Variants in PTPN3 observed in about 807,000 individuals in gnomAD.
PTPN3 encodes the protein tyrosine-protein phosphatase non-receptor type 3.
PTPN3 carries 96 observed loss-of-function variants against 132.7 expected under a neutral mutation model. The ratio of observed to expected loss-of-function variants is 0.72; its 90% CI spans 0.61 to 0.86. The LOEUF is 0.86. Among genes scored for constraint, PTPN3 ranks in the 40% least tolerant of loss-of-function variants. The pLI, the probability that PTPN3 is intolerant of heterozygous loss-of-function variation, is 0.00. For synonymous variants in PTPN3, 398 were observed against 429.0 expected (o/e 0.93, Z 0.89); for missense variants, 1,125 against 1,159.6 (o/e 0.97, Z 0.43).
At chr9:109,461,531 G>A (rs1162321435) in intron 2 of PTPN3, among the ~76,000 whole-genome samples, 1 of 152,178 alleles carries the variant, frequency 6.6e-6, no homozygotes, top group East Asian at 1.9e-4. Flanking sequence ...TAAAGTGGGA[G>A]GGTCGCCTGA....
At chr9:109,510,292 C>G in the PTPN3 span, among the ~76,000 whole-genome samples, 14 of 151,968 alleles carry the variant, frequency 9.2e-5, no homozygotes, top group African/African-American at 3.1e-4. Flanking sequence ...GGCGTGGTGG[C>G]TCACACTTGT....
intron 11 of PTPN3, 80 bp from the exon 12 acceptor site, chr9:109,427,202 A>G (rs1365319281): frequency 2.7e-6 from 4 of 1,477,886 alleles, no homozygotes; most frequent in Non-Finnish European, 3.7e-6. Context: ...ACATTGGTGA[A>G]ATGAGGTAAG....
At chr9:109,472,698 T>C (rs759632872) in intron 1 of PTPN3, among the ~76,000 whole-genome samples, 1 of 152,238 alleles carries the variant, frequency 6.6e-6, no homozygotes, top group Admixed American at 6.5e-5. Flanking sequence ...TCTGCCATTT[T>C]TAGCCTGCTT....
In PTPN3 at chr9:109,377,796, C is replaced by A. The variant is rs1240068254; in HGVS notation, c.*1760G>T. ...CCAACTAAAGTCCTAAGTATTGTTT[C>A]TATTTTACAGATAATGAAAGAGAGG... On this transcript the variant is annotated 3_prime_UTR_variant, in exon 26 of 26. Transcript: ENST00000374541. The A allele has an allele frequency of 6.6e-6, 1 of 152,204 alleles. No individual in the cohort carries two copies. Among genetic ancestry groups the A allele is most frequent in the East Asian group, 1.9e-4 (1 of 5,202 alleles). 9.4% of individuals were successfully genotyped at this position (152,204 alleles called of 1,614,324 possible).
intron 5 of PTPN3, among the ~76,000 whole-genome samples, chr9:109,453,773 G>A (rs1393460779): frequency 1.3e-5 from 2 of 151,948 alleles, no homozygotes; most frequent in African/African-American, 4.8e-5. Flanking sequence ...ACCTTGGGAG[G>A]CTGAGGCAGG....
At chr9:109,480,842 A>T (rs1846922173) in intron 1 of PTPN3, among the ~76,000 whole-genome samples, 1 of 152,200 alleles carries the variant, frequency 6.6e-6, no homozygotes, top group Non-Finnish European at 1.5e-5. Context: ...CCGCACAGGC[A>T]GCCTGCCCAG....
intron 5 of PTPN3, among the ~76,000 whole-genome samples, chr9:109,451,973 A>T (rs917053598): frequency 7.2e-5 from 11 of 152,130 alleles, no homozygotes; most frequent in Non-Finnish European, 1.5e-4. Flanking sequence ...GCAAGTTTTT[A>T]AAAAAAGGAA....
intron 4 of PTPN3, among the ~76,000 whole-genome samples, chr9:109,455,419 T>C (rs1845512513): frequency 6.6e-6 from 1 of 152,212 alleles, no homozygotes; most frequent in Non-Finnish European, 1.5e-5. Context: ...TCTTGCTCTC[T>C]GCAACTCAAG....
chr9:109,378,449 G>C lies in PTPN3; in HGVS notation c.*1107C>G, dbSNP rs966565801. ...GCAATGGAGACCATTGTGACTGGGG[G>C]TGAATGCACACATTTGTTCTTCCAT... On this transcript the variant is annotated 3_prime_UTR_variant, in exon 26 of 26. Transcript: ENST00000374541. The C allele has an allele frequency of 1.3e-5, 2 of 152,586 alleles. No homozygotes were observed. Among genetic ancestry groups the C allele is most frequent in the African/African-American group, 4.8e-5 (2 of 41,436 alleles). The allele number at this position is 152,586 out of a possible 1,614,324, so 9.5% of individuals were successfully genotyped here. A position where few individuals can be genotyped will look rare whatever the true frequency, so the allele number is the denominator to read the frequency against.
At chr9:109,398,672 G>C (rs1294380611) in intron 19 of PTPN3, among the ~76,000 whole-genome samples, 1 of 152,146 alleles carries the variant, frequency 6.6e-6, no homozygotes, top group African/African-American at 2.4e-5. Flanking sequence ...CTAACAGTGG[G>C]CAAGGAGGTA....
intron 14 of PTPN3, among the ~76,000 whole-genome samples, chr9:109,412,942 AT>A (rs34903384): frequency 0.018 from 2,506 of 139,900 alleles, 42 homozygotes; most frequent in African/African-American, 0.049. Context: ...GCCCTAACCT[AT>A]TTTTTTTTTT....
In PTPN3 at chr9:109,404,576, C is replaced by T; in HGVS notation, c.1825G>A (p.Asp609Asn). ...VRSFADFKSE[D>N]ELNQLFPEAI... ...TCGGGGAAAAGCTGGTTCAGTTCAT[C>T]TTCAGACTTGAAGTCAGCAAATGAG... is the stretch of plus-strand genomic sequence containing the variant. The change falls in exon 19 of 26, where the codon GAT becomes AAT. Residue 609 changes from aspartate (D) to asparagine (N), a missense_variant. Asp to Asn is a conservative substitution (Grantham distance 23, BLOSUM62 1). Coordinates refer to ENST00000374541, the MANE Select transcript of PTPN3 (RefSeq NM_002829.4). The T allele has an allele frequency of 6.4e-7, 1 of 1,558,114 alleles. No individual in the cohort carries two copies. Among genetic ancestry groups the T allele is most frequent in the Non-Finnish European group, 8.7e-7 (1 of 1,142,918 alleles).
At chr9:109,537,147 G>A in the PTPN3 span, among the ~76,000 whole-genome samples, 515 of 152,194 alleles carry the variant, frequency 3.4e-3, no homozygotes, top group Admixed American at 5.8e-3. Flanking sequence ...GATTAAGAAA[G>A]CATTAACAAA....
At chr9:109,406,641 T>C in intron 17 of PTPN3, 23 bp from the exon 18 acceptor site, 1 of 1,612,938 alleles carries the variant, frequency 6.2e-7, no homozygotes, top group Admixed American at 1.7e-5. Flanking sequence ...GAAAAGCGAG[T>C]TTCTCCTGTT....
chr9:109,451,235 T>C (rs1845225642), intron 5 of PTPN3: 3 of 983,780 alleles, frequency 3.0e-6, no homozygotes, highest in South Asian at 4.7e-5. Flanking sequence ...AAAATATATA[T>C]ATATATCTGG....
intron 1 of PTPN3, among the ~76,000 whole-genome samples, chr9:109,480,889 G>GGGATGAAT (rs1846925305): frequency 6.6e-6 from 1 of 151,596 alleles, no homozygotes; most frequent in South Asian, 2.1e-4. Context: ...AATTCACTGT[G>GGGATGAAT]GGATGAATGG....
chr9:109,491,201 A>C (rs1382614694), intron 1 of PTPN3, among the ~76,000 whole-genome samples: 2 of 62,188 alleles, frequency 3.2e-5, no homozygotes, highest in Non-Finnish European at 6.1e-5. Context: ...CTCTCTCTCA[A>C]AAAAAAAAAA....
At chr9:109,504,254 T>TG in the PTPN3 span, among the ~76,000 whole-genome samples, 2 of 152,112 alleles carry the variant, frequency 1.3e-5, no homozygotes, top group South Asian at 4.1e-4. Context: ...CTGCAGGAGA[T>TG]GGAGTCAGAG....
At chr9:109,437,480 G>C (rs551828043) in intron 8 of PTPN3, among the ~76,000 whole-genome samples, 1 of 152,322 alleles carries the variant, frequency 6.6e-6, no homozygotes, top group East Asian at 1.9e-4. Context: ...CCCAAGAAGA[G>C]AGCAGCCCCT....
Sources: gnomAD v4.1 joint callset for allele counts (sites outside exome capture counted in the v4.1 genomes callset) on GRCh38, gnomAD v4.1.1 for gene constraint, MANE v1.5 for transcripts, NCBI Gene and HGNC (gene_info 2026-07-23, HGNC 2026-07-21) for gene names.